Variants in PRKACB observed in about 807,000 individuals in gnomAD.
PRKACB encodes protein kinase cAMP-activated catalytic subunit beta, also known as cAMP-dependent protein kinase catalytic subunit beta.
Under a neutral mutation model 51.4 loss-of-function variants are expected in PRKACB, and 16 were observed. The ratio of observed to expected loss-of-function variants is 0.31; its 90% CI spans 0.21 to 0.47. The LOEUF (loss-of-function observed/expected upper bound fraction) is 0.47, where lower values mean the gene tolerates loss of function less well. Among genes scored for constraint, PRKACB ranks in the 20% least tolerant of loss-of-function variants. PRKACB has a pLI of 1.00. For missense variants in PRKACB, 309 were observed against 464.5 expected (o/e 0.67, Z 3.08); for synonymous variants, 147 against 154.4 (o/e 0.95, Z 0.35).
rs539043967 is a variant in PRKACB, at chr1:84,235,598, G to A, written c.*293G>A. ...ATTTCTTCCTTTTCCAATTTCATTG[G>A]TTTTCTCTAAACAGTGCTCCATTTT... On this transcript the variant is annotated 3_prime_UTR_variant, in exon 10 of 10. Transcript: ENST00000370685. 4 of 287,208 alleles carry A rather than the reference G, an allele frequency of 1.4e-5. No individual in the cohort carries two copies. The highest frequency in any genetic ancestry group is 6.6e-5 in the African/African-American group (3 of 45,298). The allele number at this position is 287,208 out of a possible 1,614,324, so 17.8% of individuals were successfully genotyped here.
At chr1:84,195,377 A>T (rs1667923580) in intron 5 of PRKACB, among the ~76,000 whole-genome samples, 1 of 152,208 alleles carries the variant, frequency 6.6e-6, no homozygotes, top group Admixed American at 6.5e-5. Context: ...CTTTTGTTGG[A>T]ATTTGTATTT....
intron 1 of PRKACB, among the ~76,000 whole-genome samples, chr1:84,160,985 T>C (rs1043650347): frequency 6.6e-6 from 1 of 151,910 alleles, no homozygotes. Context: ...ATGTCAAGAT[T>C]TTTTTGATGG....
intron 8 of PRKACB, among the ~76,000 whole-genome samples, chr1:84,207,226 G>A (rs924643519): frequency 2.0e-5 from 3 of 152,154 alleles, no homozygotes; most frequent in African/African-American, 7.2e-5. Context: ...TGTGAGAGCA[G>A]GGGGAGGGAG....
At chr1:84,081,646 T>G (rs1211968947) in intron 1 of PRKACB, among the ~76,000 whole-genome samples, 1 of 152,144 alleles carries the variant, frequency 6.6e-6, no homozygotes, top group Non-Finnish European at 1.5e-5. Flanking sequence ...AGTCTCTTCC[T>G]TTTACACCAG....
chr1:84,079,199 G>A (rs1647331916), intron 1 of PRKACB, among the ~76,000 whole-genome samples: 1 of 152,134 alleles, frequency 6.6e-6, no homozygotes, highest in South Asian at 2.1e-4. Context: ...ATATATATGT[G>A]TGTATATATG....
upstream of PRKACB, among the ~76,000 whole-genome samples, chr1:84,142,249 G>A (rs1653490481): frequency 1.3e-5 from 2 of 152,072 alleles, no homozygotes; most frequent in South Asian, 4.1e-4. Flanking sequence ...ATATTATGAG[G>A]TCAGTGAAAA....
intron 1 of PRKACB, among the ~76,000 whole-genome samples, chr1:84,127,231 T>C (rs1299636106): frequency 6.6e-6 from 1 of 152,230 alleles, no homozygotes; most frequent in African/African-American, 2.4e-5. Flanking sequence ...AGTAGAATTA[T>C]CTGCTAAGTT....
chr1:84,162,559 A>G (rs1656335787), intron 1 of PRKACB, among the ~76,000 whole-genome samples: 1 of 151,896 alleles, frequency 6.6e-6, no homozygotes, highest in African/African-American at 2.4e-5. Flanking sequence ...GCTCTTTTAA[A>G]TCTGCTGTTG....
chr1:84,112,609 A>G (rs1050239144), intron 1 of PRKACB, among the ~76,000 whole-genome samples: 13 of 152,028 alleles, frequency 8.6e-5, no homozygotes, highest in Admixed American at 6.6e-4. Context: ...CATCCATTCC[A>G]TATGTACTCA....
rs977273521 is a variant in PRKACB at position 84,164,919 on chromosome 1, G to A, written c.188-14258G>A. On this transcript the variant is annotated intron_variant, in intron 1 of 9. Coordinates refer to ENST00000370685, the MANE Select transcript of PRKACB (RefSeq NM_182948.4). The stretch of plus-strand genomic sequence containing the variant: ...TCCAGTGTGTGTGTTTACACCATCG[G>A]TTCTTCTCCCTCTAGAGATTAGCAT... 6 of 1,511,196 alleles carry A rather than the reference G, an allele frequency of 4.0e-6. No individual in the cohort carries two copies. In the East Asian group the frequency reaches 9.9e-5, roughly 25 times the overall value. The allele number at this position is 1,511,196 out of a possible 1,614,324, so 93.6% of individuals were successfully genotyped here.
At chr1:84,142,814 ATCAG>A (rs1653553661), upstream of PRKACB, among the ~76,000 whole-genome samples, 1 of 152,192 alleles carries the variant, frequency 6.6e-6, no homozygotes, top group African/African-American at 2.4e-5. Context: ...AAATTCACTA[ATCAG>A]TGTTTTCTTA....
At chr1:84,105,868 A>G (rs1649699193) in intron 1 of PRKACB, among the ~76,000 whole-genome samples, 1 of 152,050 alleles carries the variant, frequency 6.6e-6, no homozygotes, top group Non-Finnish European at 1.5e-5. Flanking sequence ...GTAAGCCACT[A>G]CACCCAGCTT....
At chr1:84,150,608 T>C (rs1256496250) in intron 1 of PRKACB, among the ~76,000 whole-genome samples, 1 of 152,122 alleles carries the variant, frequency 6.6e-6, no homozygotes, top group East Asian at 1.9e-4. Context: ...GTTGTTTTTT[T>C]AAAACAAACA....
At chr1:84,176,737 A>G (rs1019360939) in intron 1 of PRKACB, among the ~76,000 whole-genome samples, 4 of 151,848 alleles carry the variant, frequency 2.6e-5, no homozygotes, top group African/African-American at 2.4e-5. Flanking sequence ...ATAATAATAT[A>G]TTTGATTAAT....
At chr1:84,195,641 G>A (rs756913818) in intron 5 of PRKACB, among the ~76,000 whole-genome samples, 6 of 152,138 alleles carry the variant, frequency 3.9e-5, no homozygotes, top group East Asian at 1.9e-4. Context: ...AGCTGGGTGC[G>A]GTGGCTGACT....
intron 1 of PRKACB, among the ~76,000 whole-genome samples, chr1:84,095,629 A>G (rs1377113729): frequency 2.6e-5 from 4 of 151,554 alleles, no homozygotes; most frequent in South Asian, 4.1e-4. Flanking sequence ...TATTCCCCCT[A>G]CTTTCTGTTT....
At chr1:84,086,187 A>G in intron 1 of PRKACB, 3 of 1,599,454 alleles carry the variant, frequency 1.9e-6, no homozygotes, top group South Asian at 1.1e-5. Flanking sequence ...GTGGGCATCA[A>G]AGATGAGGAT....
chr1:84,132,455 A>G (rs1478045489), intron 1 of PRKACB, among the ~76,000 whole-genome samples: 2 of 152,220 alleles, frequency 1.3e-5, no homozygotes, highest in East Asian at 3.8e-4. Flanking sequence ...TTATTACTCA[A>G]TGCAACATGG....
Position 84,202,805 on chromosome 1 carries a change from G to C in PRKACB, c.906G>C (p.Lys302Asn), listed in dbSNP as rs1392544951. The C allele has an allele frequency of 6.3e-7, 1 of 1,599,620 alleles. No individual in the cohort carries two copies. The highest frequency in any genetic ancestry group is 8.5e-7 in the Non-Finnish European group (1 of 1,169,648). ...IQIYEKIVSG[K>N]VRFPSHFSSD... ...TTTATGAAAAGATTGTTTCTGGAAA[G>C]GTAAGTAAAACATTTTATTATTCCT... Residue 302 changes from lysine (K) to asparagine (N), a missense_variant and splice_region_variant, in exon 8 of 10, where the codon AAG (lysine) becomes AAC (asparagine). Coordinates refer to ENST00000370685, the MANE Select transcript of PRKACB (RefSeq NM_182948.4).
Sources: allele counts gnomAD v4.1 joint callset (sites outside exome capture counted in the v4.1 genomes callset), GRCh38; gene constraint gnomAD v4.1.1; transcripts MANE v1.5; gene names NCBI Gene and HGNC (gene_info 2026-07-23, HGNC 2026-07-21).